ATP9B: variants seen among roughly 807,000 people sequenced by gnomAD.
ATP9B encodes ATPase phospholipid transporting 9B, also known as probable phospholipid-transporting ATPase IIB.
In ATP9B, 110 loss-of-function variants were observed where a neutral mutation model predicts 146.1. That is an observed-to-expected ratio of 0.75 (90% CI 0.65 to 0.88). The LOEUF is 0.88. Among genes scored for constraint, ATP9B ranks in the 40% least tolerant of loss-of-function variants. The pLI is 0.00. For missense variants in ATP9B, 1,499 were observed against 1,496.4 expected, an observed-to-expected ratio of 1.00 and a Z score of -0.03; for synonymous variants, 604 against 569.7, an observed-to-expected ratio of 1.06 and a Z score of -0.86.
At chr18:79,139,069 T>C (rs1292626321) in intron 5 of ATP9B, among the ~76,000 whole-genome samples, 1 of 152,150 alleles carries the variant, frequency 6.6e-6, no homozygotes, top group Non-Finnish European at 1.5e-5. Context: ...TTTAAAAAGT[T>C]ACTTAATTAT....
At chr18:79,352,482 G>A (rs371718659) in intron 25 of ATP9B, 2 of 152,194 alleles carry the variant, frequency 1.3e-5, no homozygotes, top group African/African-American at 4.8e-5. Flanking sequence ...AAGAAAACAC[G>A]TGAAACAAAT....
At chr18:79,316,753 A>G (rs1245231641) in intron 15 of ATP9B, among the ~76,000 whole-genome samples, 2 of 152,244 alleles carry the variant, frequency 1.3e-5, no homozygotes, top group South Asian at 4.1e-4. Context: ...AAGAAGAAGA[A>G]CAAAACCAAA....
chr18:79,199,587 AC>A (rs1288145986), intron 9 of ATP9B, among the ~76,000 whole-genome samples: 2 of 151,832 alleles, frequency 1.3e-5, no homozygotes, highest in Non-Finnish European at 2.9e-5. Context: ...ATATGGTGAA[AC>A]CCCATCTCTA....
chr18:79,174,598 G>T lies in ATP9B; in HGVS notation c.779-2215G>T, dbSNP rs574088413. 2.0e-5 allele frequency among the ~76,000 whole-genome samples: 3 copies of T among 151,798 alleles called. No homozygotes were observed. The East Asian group carries it at 5.8e-4, about 29-fold the overall frequency. On this transcript the variant is annotated intron_variant, in intron 7 of 29. Coordinates refer to ENST00000426216, the MANE Select transcript of ATP9B (RefSeq NM_198531.5). ...CCTTCTCTTTCTTTGTTTTTTATTTGTTGAAAAAACAGGGTTATTGGACAT... is the reference window on the plus strand; with the variant it reads ...CCTTCTCTTTCTTTGTTTTTTATTTTTTGAAAAAACAGGGTTATTGGACAT...
intron 5 of ATP9B, among the ~76,000 whole-genome samples, chr18:79,139,542 A>C (rs1320224823): frequency 1.3e-5 from 2 of 152,136 alleles, no homozygotes; most frequent in African/African-American, 4.8e-5. Context: ...TTATCTTTTA[A>C]ATTTTTGTGA....
chr18:79,323,364 T>C (rs2096726660), intron 15 of ATP9B, among the ~76,000 whole-genome samples: 1 of 152,244 alleles, frequency 6.6e-6, no homozygotes, highest in East Asian at 1.9e-4. Flanking sequence ...ATCATGCTAC[T>C]GAGCGCTGGA....
chr18:79,086,766 A>T (rs2073877249), intron 1 of ATP9B, among the ~76,000 whole-genome samples: 2 of 152,218 alleles, frequency 1.3e-5, no homozygotes, highest in Non-Finnish European at 2.9e-5. Flanking sequence ...AACATTTTAG[A>T]AATCATTAGC....
chr18:79,287,459 G>T (rs2096456550), intron 13 of ATP9B, among the ~76,000 whole-genome samples: 1 of 152,142 alleles, frequency 6.6e-6, no homozygotes, highest in South Asian at 2.1e-4. Flanking sequence ...GAGATCGGTG[G>T]TGATATCCTC....
rs776040855 is a variant in ATP9B at position 79,303,614 on chromosome 18, C to G, written c.1422C>G (p.Thr474=). 1 of 1,613,824 alleles carries G rather than the reference C, an allele frequency of 6.2e-7. No individual in the cohort carries two copies. The highest frequency in any genetic ancestry group is 8.5e-7 in the Non-Finnish European group (1 of 1,179,868). Residue 474 remains threonine, a synonymous_variant, in exon 14 of 30, where the codon ACC becomes ACG. Transcript: ENST00000426216. ...TCCCCTTTATCCTAGGAACCCTCACCCAGAATGAAATGATATTTAAGCGGC... is the reference window on the plus strand; with the variant it reads ...TCCCCTTTATCCTAGGAACCCTCACGCAGAATGAAATGATATTTAAGCGGC... ...YLLTDKTGTL[T]QNEMIFKRLH...
chr18:79,256,046 C>A (rs1226647027), intron 12 of ATP9B, among the ~76,000 whole-genome samples: 1 of 151,750 alleles, frequency 6.6e-6, no homozygotes, highest in Non-Finnish European at 1.5e-5. Flanking sequence ...TATAAATATT[C>A]CATGTGTGCT....
At chr18:79,264,709 T>C (rs551275454) in intron 12 of ATP9B, among the ~76,000 whole-genome samples, 31 of 152,066 alleles carry the variant, frequency 2.0e-4, no homozygotes, top group Admixed American at 8.5e-4. Context: ...AAGTACAGTT[T>C]TTAAATACCA....
Position 79,247,446 on chromosome 18 carries a change from C to T in ATP9B, c.1108-5935C>T, listed in dbSNP as rs376413549. ...ACATTTCTCAAGCGATCTAGGAGTC[C>T]AGCAGTTTGAGAAGATAACCTCATT... On this transcript the variant is annotated intron_variant, in intron 11 of 29. Coordinates refer to ENST00000426216, the MANE Select transcript of ATP9B (RefSeq NM_198531.5). Among the ~76,000 whole-genome samples, 365 of 152,278 alleles carry T rather than the reference C, an allele frequency of 2.4e-3. 2 individuals carry two copies. The highest frequency in any genetic ancestry group is 6.4e-3 in the South Asian group (31 of 4,826).
chr18:79,100,781 T>C lies in ATP9B; in HGVS notation c.293+4132T>C, dbSNP rs1363332986. Reference sequence around the variant, plus strand: ...CATGGCTGGGGAGGCCTCACAATTATGGCAGAAGGCAAGGAGGAACAAGTC... The same window carrying C: ...CATGGCTGGGGAGGCCTCACAATTACGGCAGAAGGCAAGGAGGAACAAGTC... On this transcript the variant is annotated intron_variant, in intron 2 of 29. Coordinates refer to ENST00000426216, the MANE Select transcript of ATP9B (RefSeq NM_198531.5). Among the ~76,000 whole-genome samples, 3 of 152,282 alleles carry C rather than the reference T, an allele frequency of 2.0e-5. No homozygotes were observed. The East Asian group carries it at 5.8e-4, about 29-fold the overall frequency.
chr18:79,347,506 T>C (rs1222209173), intron 23 of ATP9B, among the ~76,000 whole-genome samples: 1 of 152,240 alleles, frequency 6.6e-6, no homozygotes, highest in Non-Finnish European at 1.5e-5. Flanking sequence ...TCTGCAGCTC[T>C]GCTGACTCCT....
At chr18:79,084,559 G>A (rs8084910) in intron 1 of ATP9B, among the ~76,000 whole-genome samples, 5,523 of 151,740 alleles carry the variant, frequency 0.036, 340 homozygotes, top group African/African-American at 0.13. Flanking sequence ...AAATGTAAGC[G>A]TATTGTCTTA....
At chr18:79,135,418 GC>G (rs2094435930) in intron 5 of ATP9B, among the ~76,000 whole-genome samples, 1 of 152,028 alleles carries the variant, frequency 6.6e-6, no homozygotes, top group African/African-American at 2.4e-5. Context: ...CTCTGAATGT[GC>G]CTTCTTGCTC....
intron 12 of ATP9B, among the ~76,000 whole-genome samples, chr18:79,272,480 G>T (rs778850869): frequency 6.6e-6 from 1 of 150,816 alleles, no homozygotes. Flanking sequence ...GCACGGATAC[G>T]CTTCTCTCCC....
chr18:79,075,109 C>T (rs1327509059), intron 1 of ATP9B, among the ~76,000 whole-genome samples: 1 of 150,986 alleles, frequency 6.6e-6, no homozygotes, highest in African/African-American at 2.4e-5. Context: ...CGGAGTCTCA[C>T]TCTGTCCCCC....
intron 14 of ATP9B, among the ~76,000 whole-genome samples, chr18:79,305,883 T>C (rs140169192): frequency 1.7e-3 from 256 of 152,354 alleles, no homozygotes; most frequent in African/African-American, 6.0e-3. Context: ...AGATCTTTTA[T>C]AACCTGATTG....
Sources: allele counts gnomAD v4.1 joint callset (sites outside exome capture counted in the v4.1 genomes callset), GRCh38; gene constraint gnomAD v4.1.1; transcripts MANE v1.5; gene names NCBI Gene and HGNC (gene_info 2026-07-23, HGNC 2026-07-21).